PPL: variants seen among roughly 807,000 people sequenced by gnomAD.
PPL encodes the protein periplakin.
A neutral mutation model predicts 194.4 loss-of-function variants in PPL; 198 were observed. The observed-to-expected ratio is 1.02, with a 90% CI of 0.91 to 1.15. PPL has a LOEUF of 1.15. Among genes scored for constraint, PPL ranks in the 50% most tolerant of loss-of-function variants. PPL has a pLI of 0.00. For synonymous variants in PPL, 1,220 were observed against 972.4 expected, an observed-to-expected ratio of 1.25 and a Z score of -4.74; for missense variants, 2,885 against 2,294.8, an observed-to-expected ratio of 1.26 and a Z score of -5.25.
chr16:4,919,398 C>T (rs2088991548), intron 1 of PPL, among the ~76,000 whole-genome samples: 1 of 152,194 alleles, frequency 6.6e-6, no homozygotes, highest in Admixed American at 6.5e-5. Context: ...AGAGGAGCTA[C>T]ACTGTATTTC....
chr16:4,906,457 C>A (rs865892694), intron 2 of PPL, among the ~76,000 whole-genome samples: 4 of 152,108 alleles, frequency 2.6e-5, no homozygotes, highest in African/African-American at 7.2e-5. Flanking sequence ...GATCTCCTGA[C>A]CTCGTGATCC....
chr16:4,893,450 C>T (rs1323800448), intron 13 of PPL, 80 bp from the exon 14 acceptor site: 28 of 1,585,428 alleles, frequency 1.8e-5, no homozygotes, highest in Non-Finnish European at 2.3e-5. Flanking sequence ...AGGCAGCCAG[C>T]CCCCCGCCGT....
At chr16:4,923,385 C>T (rs2089089825) in intron 1 of PPL, among the ~76,000 whole-genome samples, 1 of 152,194 alleles carries the variant, frequency 6.6e-6, no homozygotes, top group Admixed American at 6.5e-5. Context: ...CTGGTTGCAT[C>T]ATACAAAGAC....
intron 1 of PPL, among the ~76,000 whole-genome samples, chr16:4,936,005 G>A (rs1314500595): frequency 6.6e-6 from 1 of 152,184 alleles, no homozygotes; most frequent in African/African-American, 2.4e-5. Context: ...TCCGAAGTGG[G>A]GATATAAGGC....
Position 4,895,260 on chromosome 16 carries a change from C to T in PPL, c.1242+1G>A, listed in dbSNP as rs779619150. 3 of 1,601,600 alleles carry T rather than the reference C, an allele frequency of 1.9e-6. No individual in the cohort carries two copies. In the South Asian group the frequency reaches 3.3e-5, roughly 18 times the overall value. ...TGAACAGAGGAGCTGGCCCCACGCA[C>T]CTGCTCCCCCTCAAAGTCACAGAGT... On this transcript the variant is annotated splice_donor_variant, in intron 11 of 21. Coordinates refer to ENST00000345988, the MANE Select transcript of PPL (RefSeq NM_002705.5). LOFTEE classifies it high-confidence loss of function.
Position 4,885,536 on chromosome 16 carries a change from G to T in PPL, c.3119C>A (p.Ala1040Asp), listed in dbSNP as rs560350086. 145 of 1,610,628 alleles carry T rather than the reference G, an allele frequency of 9.0e-5. No individual in the cohort carries two copies. The highest frequency in any genetic ancestry group is 1.2e-4 in the Non-Finnish European group (141 of 1,179,928). The change falls in exon 22 of 22, where the codon GCC becomes GAC. Residue 1040 changes from alanine to aspartate, a missense_variant. Transcript: ENST00000345988. This position sits in a 1 kb window ranked among gnomAD's most constrained non-coding sequence, Gnocchi z 6.3. ...CGCCCGGCTCTTCTCTTCAGCCAGG[G>T]CGGCCACACGCTGCTGCAGGAGGAG... ...EVLLLQQRVA[A>D]LAEEKSRAQE...
In PPL at chr16:4,913,081, G is replaced by T. The variant is rs539074569; in HGVS notation, c.63-2132C>A. On this transcript the variant is annotated intron_variant, in intron 1 of 21. Transcript: ENST00000345988. ...ATTGCACCACTGCACTCCAGCCTGG[G>T]TAACAGAGCGAGACTCCATCTCGAA... is the stretch of plus-strand genomic sequence containing the variant. Among the ~76,000 whole-genome samples, 3 of 151,718 alleles carry T rather than the reference G, an allele frequency of 2.0e-5. No homozygotes were observed. The East Asian group carries it at 5.8e-4, about 29-fold the overall frequency.
At chr16:4,895,838 T>G in intron 9 of PPL, 122 bp from the exon 10 acceptor site, 1 of 1,368,182 alleles carries the variant, frequency 7.3e-7, no homozygotes, top group Non-Finnish European at 1.0e-6. Flanking sequence ...GAGTCCAGCA[T>G]GGGACCCTGT....
chr16:4,901,134 G>A (rs760158216), intron 4 of PPL, 45 bp from the exon 5 acceptor site: 1 of 1,604,076 alleles, frequency 6.2e-7, no homozygotes, highest in African/African-American at 1.3e-5. Flanking sequence ...GTGGGCTGAG[G>A]GCTGGGGACG....
intron 2 of PPL, among the ~76,000 whole-genome samples, chr16:4,905,552 T>C (rs1304338540): frequency 6.6e-6 from 1 of 152,224 alleles, no homozygotes; most frequent in Non-Finnish European, 1.5e-5. Flanking sequence ...CTCAAAATCA[T>C]TGACTTGTAC....
At chr16:4,910,762 G>A in intron 2 of PPL, 88 bp downstream of exon 2, 2 of 1,179,600 alleles carry the variant, frequency 1.7e-6, no homozygotes, top group East Asian at 2.3e-5. Context: ...ACCCCTGGGT[G>A]AGAATCACCG....
chr16:4,892,183 G>A lies in PPL; in HGVS notation c.1681C>T (p.Pro561Ser), dbSNP rs1260982218. Reference protein sequence around the residue: ...NITNELLRIEPEKTRSTAEGE... With the variant: ...NITNELLRIESEKTRSTAEGE... Reference sequence around the variant, plus strand: ...TCAGCCGTGCTCCGCGTCTTCTCAGGTTCAATCCGCAGTAGCTCGTTGGTG... The same window carrying A: ...TCAGCCGTGCTCCGCGTCTTCTCAGATTCAATCCGCAGTAGCTCGTTGGTG... The change falls in exon 15 of 22, where the codon CCT (proline) becomes TCT (serine). Residue 561 changes from proline (P) to serine (S), a missense_variant. By Grantham distance (74) the Pro-to-Ser change is moderately conservative. Coordinates refer to ENST00000345988, the MANE Select transcript of PPL (RefSeq NM_002705.5). 1.2e-6 allele frequency: 2 copies of A among 1,613,480 alleles called. No homozygotes were observed. Among genetic ancestry groups the A allele is most frequent in the East Asian group, 2.2e-5 (1 of 44,888 alleles).
intron 21 of PPL, among the ~76,000 whole-genome samples, chr16:4,886,644 A>T (rs2088224719): frequency 6.6e-6 from 1 of 152,224 alleles, no homozygotes; most frequent in Non-Finnish European, 1.5e-5. Flanking sequence ...TCTGAGACAG[A>T]GTCTCGCTCT....
At chr16:4,891,219 C>T (rs148902046) in intron 16 of PPL, among the ~76,000 whole-genome samples, 276 of 152,274 alleles carry the variant, frequency 1.8e-3, no homozygotes, top group African/African-American at 5.7e-3. Context: ...AAAAGCAAGT[C>T]GTGAGATGGG....
In PPL at chr16:4,897,691, A is replaced by T. The variant is rs755899556; in HGVS notation, c.956T>A (p.Met319Lys). The T allele has an allele frequency of 6.2e-7, 1 of 1,613,772 alleles. No individual in the cohort carries two copies. Among genetic ancestry groups the T allele is most frequent in the Non-Finnish European group, 8.5e-7 (1 of 1,179,946 alleles). Reference sequence around the variant, plus strand: ...GGTAAGTACCTGGTGGTAGTCCTCCATGTACTTGAGGTGGCTCTCCTCGCA... The same window carrying T: ...GGTAAGTACCTGGTGGTAGTCCTCCTTGTACTTGAGGTGGCTCTCCTCGCA... Reference protein sequence around the residue: ...LICEESHLKYMEDYHQFHEDV... With the variant: ...LICEESHLKYKEDYHQFHEDV... Residue 319 changes from methionine to lysine, a missense_variant, in exon 9 of 22, where the codon ATG becomes AAG. Transcript: ENST00000345988.
chr16:4,884,487 G>A lies in PPL; in HGVS notation c.4168C>T (p.Arg1390Trp), dbSNP rs755129661. ...TCGGTGCGCCGGCGCTGCAGCCGCC[G>A]CAGCTCTGCCCGCAGCTTGTCAATC... ...RQIDKLRAEL[R>W]RLQRRRTELE... Residue 1390 changes from arginine to tryptophan, a missense_variant, in exon 22 of 22, where the codon CGG becomes TGG. Physicochemically the swap from Arg to Trp is moderately radical, Grantham distance 101. Coordinates refer to ENST00000345988, the MANE Select transcript of PPL (RefSeq NM_002705.5). This position sits in a 1 kb window ranked among gnomAD's most constrained non-coding sequence, Gnocchi z 5.7. 1.8e-5 allele frequency: 29 copies of A among 1,605,944 alleles called. No homozygotes were observed. The highest frequency in any genetic ancestry group is 3.5e-5 in the Admixed American group (2 of 57,866).
intron 1 of PPL, among the ~76,000 whole-genome samples, chr16:4,921,273 G>C (rs1363692899): frequency 6.6e-6 from 1 of 152,196 alleles, no homozygotes; most frequent in Non-Finnish European, 1.5e-5. Flanking sequence ...CTGTGTTTGA[G>C]GGTACTCCCA....
At chr16:4,906,631 G>C (rs1298746162) in intron 2 of PPL, among the ~76,000 whole-genome samples, 1 of 152,204 alleles carries the variant, frequency 6.6e-6, no homozygotes, top group African/African-American at 2.4e-5. Context: ...TGCCTAATTC[G>C]TGAAGGTGCC....
rs941090241 is a variant in PPL, at chr16:4,885,139, C to T, written c.3516G>A (p.Glu1172=). The part of the protein sequence containing the change: ...EEENAKVVVQ[E]KVREIVRPDP... ...CTGGCCGCACGATCTCCCGCACCTT[C>T]TCCTGCACCACCACTTTGGCGTTCT... Residue 1172 remains glutamate (E), a synonymous_variant, in exon 22 of 22, where the codon GAG becomes GAA. Transcript: ENST00000345988. The surrounding 1 kb of genome is among the most constrained non-coding windows in gnomAD (Gnocchi z 6.3). 4 of 1,614,126 alleles carry T rather than the reference C, an allele frequency of 2.5e-6. No homozygotes were observed. The highest frequency in any genetic ancestry group is 3.4e-6 in the Non-Finnish European group (4 of 1,180,024).
Sources: allele counts gnomAD v4.1 joint callset (sites outside exome capture counted in the v4.1 genomes callset), GRCh38; gene constraint gnomAD v4.1.1; non-coding constraint Gnocchi (gnomAD v3.1); transcripts MANE v1.5; gene names NCBI Gene and HGNC (gene_info 2026-07-23, HGNC 2026-07-21).